The following CLPB variants were observed in gnomAD, a reference collection of about 807,000 sequenced individuals.
CLPB encodes the protein mitochondrial disaggregase.
Under a neutral mutation model 78.4 loss-of-function variants are expected in CLPB, and 40 were observed. The ratio of observed to expected loss-of-function variants is 0.51; its 90% CI spans 0.40 to 0.66. CLPB has a LOEUF of 0.66. Ranked by LOEUF, CLPB falls within the 30% of genes least tolerant of loss-of-function variation. CLPB has a pLI of 0.00. For synonymous variants in CLPB, 333 were observed against 348.0 expected, an observed-to-expected ratio of 0.96 and a Z score of 0.48; for missense variants, 780 against 886.9, an observed-to-expected ratio of 0.88 and a Z score of 1.53.
At chr11:72,424,229 G>C (rs1342222521) in intron 2 of CLPB, among the ~76,000 whole-genome samples, 1 of 152,172 alleles carries the variant, frequency 6.6e-6, no homozygotes, top group African/African-American at 2.4e-5. Context: ...TATGCAAAAT[G>C]TATCGGGCCC....
At chr11:72,367,757 A>G (rs1950971712) in intron 4 of CLPB, among the ~76,000 whole-genome samples, 1 of 152,180 alleles carries the variant, frequency 6.6e-6, no homozygotes, top group South Asian at 2.1e-4. Flanking sequence ...TGAATCTAAA[A>G]GAAAAGTTGA....
chr11:72,314,155 T>C (rs1451215781), intron 7 of CLPB, among the ~76,000 whole-genome samples: 1 of 152,138 alleles, frequency 6.6e-6, no homozygotes, highest in East Asian at 1.9e-4. Context: ...CCTTCTGTAA[T>C]ATGGAATATG....
At chr11:72,381,958 G>C (rs1034816782) in intron 3 of CLPB, among the ~76,000 whole-genome samples, 1 of 152,144 alleles carries the variant, frequency 6.6e-6, no homozygotes, top group African/African-American at 2.4e-5. Flanking sequence ...CTCCAGGATA[G>C]CCCTCATGGA....
chr11:72,367,273 C>T (rs570366385), intron 4 of CLPB, among the ~76,000 whole-genome samples: 1 of 152,314 alleles, frequency 6.6e-6, no homozygotes, highest in South Asian at 2.1e-4. Context: ...AAGTGATTCT[C>T]GTGCCTCAGC....
intron 2 of CLPB, among the ~76,000 whole-genome samples, chr11:72,420,113 A>G (rs1246200541): frequency 6.6e-6 from 1 of 152,234 alleles, no homozygotes; most frequent in Non-Finnish European, 1.5e-5. Flanking sequence ...TGGGAGACCA[A>G]GGCAGGACTG....
intron 2 of CLPB, among the ~76,000 whole-genome samples, chr11:72,403,766 C>T (rs139866688): frequency 4.6e-5 from 7 of 152,258 alleles, no homozygotes; most frequent in African/African-American, 1.7e-4. Context: ...ATTGTAGAAG[C>T]TCAATAATTA....
intron 2 of CLPB, among the ~76,000 whole-genome samples, chr11:72,414,594 C>T (rs1290726901): frequency 1.3e-5 from 2 of 152,222 alleles, no homozygotes; most frequent in Admixed American, 6.5e-5. Context: ...ACTGAAGTAA[C>T]ATCTCCAAGC....
At chr11:72,320,959 C>T (rs887187131) in intron 6 of CLPB, among the ~76,000 whole-genome samples, 3 of 152,116 alleles carry the variant, frequency 2.0e-5, no homozygotes, top group African/African-American at 4.8e-5. Context: ...GTGATCCACT[C>T]GTCTTGGCCT....
chr11:72,334,610 G>A (rs1015990082), intron 5 of CLPB, among the ~76,000 whole-genome samples: 5 of 152,228 alleles, frequency 3.3e-5, no homozygotes, highest in African/African-American at 1.2e-4. Context: ...GGCCTCACCC[G>A]CCTGCCCTCT....
rs1005795297 is a variant in CLPB at position 72,342,735 on chromosome 11, C to T, written c.776-12931G>A. 2.4e-4 allele frequency among the ~76,000 whole-genome samples: 36 copies of T among 152,158 alleles called. 1 individual carries two copies. The highest frequency in any genetic ancestry group is 6.5e-5 in the Admixed American group (1 of 15,278). ...AAATGACAGCTGAGACCAAAGCATC[C>T]GAGCCTGGGGTCTGGGCTGAATTTA... On this transcript the variant is annotated intron_variant, in intron 5 of 15. Coordinates refer to ENST00000538039, the MANE Select transcript of CLPB (RefSeq NM_001258392.3).
At chr11:72,362,735 T>C (rs1950863607) in intron 4 of CLPB, among the ~76,000 whole-genome samples, 1 of 152,202 alleles carries the variant, frequency 6.6e-6, no homozygotes, top group African/African-American at 2.4e-5. Flanking sequence ...GTGCCTAGCA[T>C]ATAGTAGCTC....
intron 13 of CLPB, 58 bp from the exon 14 acceptor site, chr11:72,294,502 T>C: frequency 6.2e-7 from 1 of 1,612,292 alleles, no homozygotes; most frequent in East Asian, 2.2e-5. Context: ...GTTAGGGAAA[T>C]TACCAGACAC....
At chr11:72,422,412 A>G (rs1856237127) in intron 2 of CLPB, among the ~76,000 whole-genome samples, 1 of 152,200 alleles carries the variant, frequency 6.6e-6, no homozygotes, top group Non-Finnish European at 1.5e-5. Context: ...CTATGACAAA[A>G]GTAAAACGAG....
At chr11:72,295,031 C>T (rs1386939755) in intron 12 of CLPB, among the ~76,000 whole-genome samples, 1 of 152,228 alleles carries the variant, frequency 6.6e-6, no homozygotes, top group Admixed American at 6.5e-5. Context: ...GTGACAGACA[C>T]AGCTTCCTGC....
At chr11:72,348,529 CTCTT>C (rs938464844) in intron 5 of CLPB, among the ~76,000 whole-genome samples, 5 of 152,206 alleles carry the variant, frequency 3.3e-5, no homozygotes, top group Admixed American at 1.3e-4. Context: ...TTCCTTCTCT[CTCTT>C]TGTTTGAATT....
intron 2 of CLPB, among the ~76,000 whole-genome samples, chr11:72,422,758 G>C (rs927447857): frequency 3.9e-5 from 6 of 152,190 alleles, no homozygotes; most frequent in African/African-American, 1.4e-4. Flanking sequence ...TAAACAGACA[G>C]CCTCTCTGAG....
Position 72,294,674 on chromosome 11 carries a change from G to C in CLPB, c.1506C>G (p.Asp502Glu). ...TGAAGTTCTTTGAGATGGTGATCTT[G>C]TCACTTATCTGGACATCCCCTGTGG... is the stretch of plus-strand genomic sequence containing the variant. Reference protein sequence around the residue: ...AENLGDVQISDKITISKNFKE... With the variant: ...AENLGDVQISEKITISKNFKE... The change falls in exon 13 of 16, where the codon GAC (aspartate) becomes GAG (glutamate). Residue 502 changes from aspartate to glutamate, a missense_variant. Around this residue, in one of 3 missense-constraint regions of CLPB, gnomAD observed 272 missense variants for 304.0 expected, o/e 0.89. Coordinates refer to ENST00000538039, the MANE Select transcript of CLPB (RefSeq NM_001258392.3). 2 of 1,613,994 alleles carry C rather than the reference G, an allele frequency of 1.2e-6. No homozygotes were observed. The highest frequency in any genetic ancestry group is 1.7e-6 in the Non-Finnish European group (2 of 1,179,814).
At chr11:72,329,488 AT>A (rs1221136078) in intron 6 of CLPB, among the ~76,000 whole-genome samples, 2 of 152,206 alleles carry the variant, frequency 1.3e-5, no homozygotes, top group African/African-American at 4.8e-5. Context: ...CCTGGTCATG[AT>A]AGGGGCAGCT....
intron 5 of CLPB, among the ~76,000 whole-genome samples, chr11:72,332,332 A>T (rs2135554513): frequency 6.6e-6 from 1 of 151,754 alleles, no homozygotes; most frequent in African/African-American, 2.4e-5. Flanking sequence ...AAAAAAAAAA[A>T]AAAAAAATTA....
Sources: gnomAD v4.1 joint callset for allele counts (sites outside exome capture counted in the v4.1 genomes callset) on GRCh38, gnomAD v4.1.1 for gene constraint, gnomAD v4.1.1 regional missense constraint, MANE v1.5 for transcripts, NCBI Gene and HGNC (gene_info 2026-07-23, HGNC 2026-07-21) for gene names.